CSNK1G3: variants seen among roughly 807,000 people sequenced by gnomAD.
CSNK1G3 encodes casein kinase I isoform gamma-3.
A neutral mutation model predicts 64.3 loss-of-function variants in CSNK1G3; 23 were observed. The ratio of observed to expected loss-of-function variants is 0.36; its 90% CI spans 0.26 to 0.51. The LOEUF (loss-of-function observed/expected upper bound fraction) is 0.51, where lower values mean the gene tolerates loss of function less well. CSNK1G3 is among the 20% of genes least tolerant of loss of function. The pLI is 0.96. For missense variants in CSNK1G3, 357 were observed against 510.5 expected (o/e 0.70, Z 2.90); for synonymous variants, 158 against 162.2 (o/e 0.97, Z 0.20).
chr5:123,547,112 A>G (rs548633025), intron 2 of CSNK1G3, among the ~76,000 whole-genome samples: 1 of 152,176 alleles, frequency 6.6e-6, no homozygotes, highest in African/African-American at 2.4e-5. Flanking sequence ...TACTTATTAC[A>G]TATTTATCAT....
At chr5:123,590,034 A>AATCAT (rs1792057762) in intron 8 of CSNK1G3, among the ~76,000 whole-genome samples, 3 of 152,154 alleles carry the variant, frequency 2.0e-5, no homozygotes, top group Non-Finnish European at 4.4e-5. Context: ...CGGTATTTTA[A>AATCAT]ATAAAATTTT....
At chr5:123,546,178 A>G (rs1264157081) in intron 2 of CSNK1G3, among the ~76,000 whole-genome samples, 1 of 152,164 alleles carries the variant, frequency 6.6e-6, no homozygotes, top group Non-Finnish European at 1.5e-5. Flanking sequence ...TTTCAGATTC[A>G]AAAATGTTTA....
In CSNK1G3 at chr5:123,541,236, G is replaced by A. The variant is rs1445716691; in HGVS notation, c.-247-4181G>A. 2.0e-5 allele frequency among the ~76,000 whole-genome samples: 3 copies of A among 151,830 alleles called. 1 individual carries two copies. The highest frequency in any genetic ancestry group is 4.4e-5 in the Non-Finnish European group (3 of 67,986). On this transcript the variant is annotated intron_variant, in intron 1 of 12. Coordinates refer to ENST00000345990, the Ensembl canonical transcript of CSNK1G3. ...CTCGTTTTGCTCATTCATATTTATG[G>A]TTTTTATGTCTTTCTGTTGAATTGA...
chr5:123,611,671 A>G (rs1224562676), intron 12 of CSNK1G3, among the ~76,000 whole-genome samples: 2 of 152,242 alleles, frequency 1.3e-5, no homozygotes, highest in African/African-American at 4.8e-5. Context: ...AAGGGCTAAT[A>G]CAACTTTAGA....
intron 10 of CSNK1G3, among the ~76,000 whole-genome samples, chr5:123,603,172 T>G (rs1794778254): frequency 1.3e-5 from 2 of 152,096 alleles, no homozygotes; most frequent in South Asian, 4.1e-4. Context: ...AAGATAACTC[T>G]TATTAGAGTT....
exon 1 of CSNK1G3, chr5:123,512,411 C>CCTCGCTCG (rs145247532): frequency 2.0e-5 from 3 of 152,068 alleles, no homozygotes; most frequent in South Asian, 4.1e-4. Context: ...TTCCCCCCTA[C>CCTCGCTCG]CTCGCTCGCT....
rs1396315722 is a variant in CSNK1G3 at position 123,545,474 on chromosome 5, T to A, written c.-190T>A. 2 of 457,022 alleles carry A rather than the reference T, an allele frequency of 4.4e-6. No individual in the cohort carries two copies. The highest frequency in any genetic ancestry group is 3.6e-5 in the Admixed American group (1 of 27,858). 28.3% of individuals were successfully genotyped at this position (457,022 alleles called of 1,614,324 possible). ...AGATAATTTTGAAGACATGTTTTGC[T>A]GAAAAGACACTAAGAAAAATTTTAC... is the stretch of plus-strand genomic sequence containing the variant. On this transcript the variant is annotated 5_prime_UTR_variant, in exon 2 of 13. The change abolishes the stop of an existing upstream ORF in the 5' untranslated region. Transcript: ENST00000345990.
At chr5:123,604,948 A>C (rs1437207422) in intron 11 of CSNK1G3, 118 bp downstream of exon 12, 16 of 683,788 alleles carry the variant, frequency 2.3e-5, no homozygotes, top group Non-Finnish European at 2.3e-5. Context: ...GTGCATGCAA[A>C]ACAAGTGGTA....
At position 123,596,873 on chromosome 5, in the gene CSNK1G3, A is replaced by G. The variant is rs1218062522; in HGVS notation, c.1086+5459A>G. On this transcript the variant is annotated intron_variant, in intron 10 of 12. Transcript: ENST00000345990. ...TATGATGGACTAATATGACAGCCTA[A>G]GTAGGATCATGCCTGAATCCTTCCC... Among the ~76,000 whole-genome samples, 11 of 152,272 alleles carry G rather than the reference A, an allele frequency of 7.2e-5. No individual in the cohort carries two copies. The East Asian group carries it at 1.9e-3, about 27-fold the overall frequency.
intron 6 of CSNK1G3, among the ~76,000 whole-genome samples, chr5:123,584,492 C>G (rs1790944577): frequency 6.6e-6 from 1 of 152,028 alleles, no homozygotes; most frequent in African/African-American, 2.4e-5. Flanking sequence ...ACCTACATTC[C>G]TAGAATGAAC....
At chr5:123,554,742 A>T (rs1193346610) in intron 3 of CSNK1G3, among the ~76,000 whole-genome samples, 1 of 152,218 alleles carries the variant, frequency 6.6e-6, no homozygotes, top group Non-Finnish European at 1.5e-5. Context: ...GCAAGGATAA[A>T]AGTGTGGCAG....
intron 6 of CSNK1G3, among the ~76,000 whole-genome samples, chr5:123,587,843 A>G (rs944006329): frequency 1.3e-4 from 20 of 152,186 alleles, no homozygotes; most frequent in African/African-American, 4.3e-4. Flanking sequence ...CTCTAACAGC[A>G]TCTAAAAATT....
chr5:123,575,689 G>T (rs1411885231), intron 5 of CSNK1G3, 40 bp from the exon 6 acceptor site: 1 of 1,327,878 alleles, frequency 7.5e-7, no homozygotes, highest in African/African-American at 1.5e-5. Flanking sequence ...GCTAGTCAAA[G>T]CCCAAAATAA....
intron 1 of CSNK1G3, among the ~76,000 whole-genome samples, chr5:123,513,946 T>C (rs1415955973): frequency 2.0e-5 from 3 of 152,238 alleles, no homozygotes; most frequent in Non-Finnish European, 1.5e-5. Flanking sequence ...TTTGCTCCAG[T>C]TGTATCTTAG....
intron 1 of CSNK1G3, among the ~76,000 whole-genome samples, chr5:123,542,810 A>G (rs1352022635): frequency 6.9e-6 from 1 of 144,148 alleles, no homozygotes; most frequent in African/African-American, 2.6e-5. Context: ...AGATTTTTCA[A>G]ATTTTTGGAT....
At chr5:123,535,186 AT>A (rs1342836204) in intron 1 of CSNK1G3, among the ~76,000 whole-genome samples, 1 of 152,150 alleles carries the variant, frequency 6.6e-6, no homozygotes, top group Non-Finnish European at 1.5e-5. Flanking sequence ...TGTCACAACT[AT>A]TCAACTCTTC....
chr5:123,598,222 A>G (rs939385434), intron 10 of CSNK1G3, among the ~76,000 whole-genome samples: 3 of 152,172 alleles, frequency 2.0e-5, no homozygotes, highest in African/African-American at 4.8e-5. Flanking sequence ...TCTTAGAATC[A>G]TTGGTAGTAA....
intron 1 of CSNK1G3, among the ~76,000 whole-genome samples, chr5:123,535,602 A>G (rs1027480509): frequency 1.3e-5 from 2 of 152,142 alleles, no homozygotes; most frequent in African/African-American, 4.8e-5. Context: ...ATGAACAGTT[A>G]CCTGAATGTA....
chr5:123,535,105 G>C (rs750061560), intron 1 of CSNK1G3, among the ~76,000 whole-genome samples: 3 of 152,164 alleles, frequency 2.0e-5, no homozygotes, highest in African/African-American at 4.8e-5. Flanking sequence ...CTACTGTCAA[G>C]TTATAACTGT....
Sources: gnomAD v4.1 joint callset for allele counts (sites outside exome capture counted in the v4.1 genomes callset) on GRCh38, gnomAD v4.1.1 for gene constraint, MANE v1.5 for transcripts, NCBI Gene and HGNC (gene_info 2026-07-23, HGNC 2026-07-21) for gene names.